The following EPS15 variants were observed in gnomAD, a reference collection of about 807,000 sequenced individuals.
EPS15 encodes epidermal growth factor receptor pathway substrate 15.
In EPS15, 72 loss-of-function variants were observed where a neutral mutation model predicts 113.8. The observed-to-expected ratio is 0.63, with a 90% CI of 0.52 to 0.77. EPS15 has a LOEUF of 0.77. EPS15 is among the 30% of genes least tolerant of loss of function. The probability of loss-of-function intolerance (pLI) is 0.00; values close to 1 mark genes in which losing one functional copy is unlikely to be tolerated. For synonymous variants in EPS15, 344 were observed against 363.4 expected, an observed-to-expected ratio of 0.95 and a Z score of 0.61; for missense variants, 1,048 against 1,045.8, an observed-to-expected ratio of 1.00 and a Z score of -0.03.
intron 13 of EPS15, among the ~76,000 whole-genome samples, chr1:51,416,969 T>C (rs942657118): frequency 1.3e-5 from 2 of 151,954 alleles, no homozygotes; most frequent in African/African-American, 4.8e-5. Flanking sequence ...ACATTAAAAA[T>C]GTATCAACTA....
intron 18 of EPS15, 68 bp downstream of exon 18, chr1:51,402,367 T>A (rs569899502): frequency 3.7e-6 from 3 of 806,602 alleles, no homozygotes; most frequent in Admixed American, 2.4e-5. Context: ...AAGCCTTGAA[T>A]CCTTAGTTTA....
chr1:51,372,936 T>G (rs1646695384), intron 21 of EPS15: 1 of 660,230 alleles, frequency 1.5e-6, no homozygotes, highest in Admixed American at 2.9e-5. Context: ...CACCAGATCA[T>G]TAGCTGCAGG....
intron 22 of EPS15, 61 bp downstream of exon 22, chr1:51,365,892 G>A: frequency 7.0e-6 from 8 of 1,137,336 alleles, no homozygotes; most frequent in Non-Finnish European, 9.0e-6. Context: ...ATTGAAAGGA[G>A]GATTGTTCTT....
At chr1:51,449,336 G>T (rs1014185923) in intron 8 of EPS15, among the ~76,000 whole-genome samples, 1 of 152,020 alleles carries the variant, frequency 6.6e-6, no homozygotes, top group African/African-American at 2.4e-5. Context: ...ACTAACACAG[G>T]AACAGAAAAA....
At chr1:51,506,979 A>G (rs1333149096) in intron 1 of EPS15, among the ~76,000 whole-genome samples, 1 of 152,204 alleles carries the variant, frequency 6.6e-6, no homozygotes, top group Admixed American at 6.5e-5. Flanking sequence ...CTGACAAACT[A>G]TAAATGGCCC....
At chr1:51,484,515 A>G (rs960181947) in intron 1 of EPS15, among the ~76,000 whole-genome samples, 1 of 152,244 alleles carries the variant, frequency 6.6e-6, no homozygotes, top group Non-Finnish European at 1.5e-5. Flanking sequence ...TCTACTGTGT[A>G]TATCTAGTTT....
intron 8 of EPS15, among the ~76,000 whole-genome samples, chr1:51,450,072 G>A (rs1177301485): frequency 6.6e-6 from 1 of 151,716 alleles, no homozygotes; most frequent in East Asian, 1.9e-4. Context: ...AGATGGCCAA[G>A]GAGGTATTCC....
rs868553817 is a variant in EPS15 at position 51,460,675 on chromosome 1, C to T, written c.561+416G>A. ...TTCTATATAAGAATGTTCAACCAGC[C>T]GGGCACAGTGGTTCATGCCTGTAAT... On this transcript the variant is annotated intron_variant, in intron 8 of 24. Coordinates refer to ENST00000371733, the MANE Select transcript of EPS15 (RefSeq NM_001981.3). Among the ~76,000 whole-genome samples, 39 of 152,222 alleles carry T rather than the reference C, an allele frequency of 2.6e-4. 1 individual carries two copies. The highest frequency in any genetic ancestry group is 1.5e-3 in the South Asian group (7 of 4,810).
intron 21 of EPS15, among the ~76,000 whole-genome samples, chr1:51,383,867 G>C (rs965342305): frequency 6.6e-6 from 1 of 152,060 alleles, no homozygotes; most frequent in African/African-American, 2.4e-5. Context: ...AAAACAATTA[G>C]AACTAATAGT....
At chr1:51,382,660 C>T (rs1646968955) in intron 21 of EPS15, among the ~76,000 whole-genome samples, 1 of 152,070 alleles carries the variant, frequency 6.6e-6, no homozygotes, top group South Asian at 2.1e-4. Context: ...CTCAAGTGAT[C>T]CACCCGCCTC....
chr1:51,503,265 T>C (rs1371073370), intron 1 of EPS15, among the ~76,000 whole-genome samples: 1 of 152,364 alleles, frequency 6.6e-6, no homozygotes, highest in South Asian at 2.1e-4. Context: ...GACTGTTTTG[T>C]AGAAACTGGC....
intron 9 of EPS15, among the ~76,000 whole-genome samples, 168 bp from the exon 10 acceptor site, chr1:51,447,273 G>C (rs963775366): frequency 6.6e-6 from 1 of 152,092 alleles, no homozygotes; most frequent in African/African-American, 2.4e-5. Context: ...AATGCTGTGG[G>C]GAAGAGAAAA....
chr1:51,402,151 C>CATAA (rs1379387333), intron 18 of EPS15, among the ~76,000 whole-genome samples: 1 of 151,646 alleles, frequency 6.6e-6, no homozygotes, highest in African/African-American at 2.4e-5. Context: ...AAATTAATTA[C>CATAA]ATAAATAAAT....
At chr1:51,448,254 G>A in intron 8 of EPS15, 119 bp from the exon 9 acceptor site, 1 of 517,120 alleles carries the variant, frequency 1.9e-6, no homozygotes, top group Non-Finnish European at 3.4e-6. Flanking sequence ...TTAAGAAATT[G>A]GGCTGGGAGG....
rs144246515 is a variant in EPS15 at position 51,411,741 on chromosome 1, G to A, written c.1114-2045C>T. On this transcript the variant is annotated intron_variant, in intron 13 of 24. Coordinates refer to ENST00000371733, the MANE Select transcript of EPS15 (RefSeq NM_001981.3). ...GGAGAGGATGTGGAGAAACAGGAACGCTTTTACACTGTTAGTGGGAGTGTA... is the reference window on the plus strand; with the variant it reads ...GGAGAGGATGTGGAGAAACAGGAACACTTTTACACTGTTAGTGGGAGTGTA... Among the ~76,000 whole-genome samples the A allele has an allele frequency of 1.1e-3, 169 of 152,258 alleles. 1 individual carries two copies. The highest frequency in any genetic ancestry group is 4.0e-3 in the African/African-American group (165 of 41,558).
intron 1 of EPS15, among the ~76,000 whole-genome samples, chr1:51,484,663 G>A (rs1644087573): frequency 1.3e-5 from 2 of 152,162 alleles, no homozygotes; most frequent in Admixed American, 6.5e-5. Context: ...TTCTTTGCAA[G>A]GGGAGTGCAT....
chr1:51,504,134 C>A (rs529283957), intron 1 of EPS15, among the ~76,000 whole-genome samples: 3 of 152,110 alleles, frequency 2.0e-5, no homozygotes, highest in Non-Finnish European at 4.4e-5. Context: ...TCAGGCCAGG[C>A]AAGGTGGCTT....
At chr1:51,491,962 G>T (rs917881662) in intron 1 of EPS15, among the ~76,000 whole-genome samples, 2 of 151,430 alleles carry the variant, frequency 1.3e-5, no homozygotes, top group African/African-American at 4.9e-5. Flanking sequence ...CACCTCCGGG[G>T]CTCAAGTGAT....
At position 51,406,098 on chromosome 1, in the gene EPS15, T is replaced by C. The variant is rs1182951546; in HGVS notation, c.1484A>G (p.Lys495Arg). Residue 495 changes from lysine to arginine, a missense_variant, in exon 16 of 25, where the codon AAA becomes AGA. Lys to Arg is a conservative substitution (Grantham distance 26). Coordinates refer to ENST00000371733, the MANE Select transcript of EPS15 (RefSeq NM_001981.3). ...TTCCAAATCTTTCATTTCCATCAGT[T>C]TCATTTGCATCTGCCAACACAAAGA... Reference protein sequence around the residue: ...SQQEISSMQMKLMEMKDLENH... With the variant: ...SQQEISSMQMRLMEMKDLENH... The C allele has an allele frequency of 6.2e-7, 1 of 1,613,108 alleles. No homozygotes were observed. The highest frequency in any genetic ancestry group is 8.5e-7 in the Non-Finnish European group (1 of 1,179,702).
Sources: allele counts gnomAD v4.1 joint callset (sites outside exome capture counted in the v4.1 genomes callset), GRCh38; gene constraint gnomAD v4.1.1; transcripts MANE v1.5; gene names NCBI Gene and HGNC (gene_info 2026-07-23, HGNC 2026-07-21).